DLGAP4: variants seen among roughly 807,000 people sequenced by gnomAD.
The protein encoded by DLGAP4 is DLG associated protein 4.
In DLGAP4, 18 loss-of-function variants were observed where a neutral mutation model predicts 86.9. The ratio of observed to expected loss-of-function variants is 0.21; its 90% CI spans 0.14 to 0.31. DLGAP4 has a LOEUF of 0.31. Ranked by LOEUF, DLGAP4 falls within the 10% of genes least tolerant of loss-of-function variation. The pLI is 1.00. For synonymous variants in DLGAP4, 548 were observed against 574.3 expected, an observed-to-expected ratio of 0.95 and a Z score of 0.65; for missense variants, 1,085 against 1,362.6, an observed-to-expected ratio of 0.80 and a Z score of 3.21.
At position 36,526,844 on chromosome 20, in the gene DLGAP4, A is replaced by G. The variant is rs1300183447; in HGVS notation, c.2792A>G (p.Lys931Arg). 1 of 1,611,392 alleles carries G rather than the reference A, an allele frequency of 6.2e-7. No individual in the cohort carries two copies. The highest frequency in any genetic ancestry group is 1.7e-5 in the Admixed American group (1 of 59,534). The change falls in exon 13 of 13, where the codon AAG (lysine) becomes AGG (arginine). Residue 931 changes from lysine to arginine, a missense_variant. Coordinates refer to ENST00000339266, the MANE Select transcript of DLGAP4 (RefSeq NM_001365621.2). ...AAGAAACCACCCCCTCCGGTCCCAA[A>G]GAAGCCAGCCAAATCCAAGCCGGCA... ...EEKKPPPPVPKKPAKSKPAVS... is the reference protein window; with the variant it reads ...EEKKPPPPVPRKPAKSKPAVS...
chr20:36,526,737 A>G (rs1035095406), intron 12 of DLGAP4, 76 bp from the exon 13 acceptor site: 1 of 1,375,870 alleles, frequency 7.3e-7, no homozygotes, highest in African/African-American at 1.5e-5. Flanking sequence ...AGCTGCCGGC[A>G]TATGGTGGGG....
chr20:36,384,152 G>A (rs544555991), intron 2 of DLGAP4, among the ~76,000 whole-genome samples: 2 of 152,306 alleles, frequency 1.3e-5, no homozygotes, highest in South Asian at 2.1e-4. Flanking sequence ...GTGCTGTTTG[G>A]GGTGCGGGGC....
chr20:36,468,624 A>G (rs917636299), intron 7 of DLGAP4, among the ~76,000 whole-genome samples: 1 of 152,140 alleles, frequency 6.6e-6, no homozygotes, highest in Non-Finnish European at 1.5e-5. Context: ...GGTGCCCCTC[A>G]CCCTGCTGGT....
At chr20:36,381,672 T>G (rs1283049848) in intron 2 of DLGAP4, among the ~76,000 whole-genome samples, 3 of 152,188 alleles carry the variant, frequency 2.0e-5, no homozygotes, top group Non-Finnish European at 4.4e-5. Flanking sequence ...GAACATTCTG[T>G]TCAGGTGTCC....
At chr20:36,322,235 T>A (rs1231497652) in intron 1 of DLGAP4, among the ~76,000 whole-genome samples, 3 of 150,612 alleles carry the variant, frequency 2.0e-5, no homozygotes, top group African/African-American at 7.4e-5. Flanking sequence ...AACCCCGGGG[T>A]GTGAGGAAGG....
chr20:36,401,502 G>A (rs537090294), intron 2 of DLGAP4, among the ~76,000 whole-genome samples: 4 of 152,334 alleles, frequency 2.6e-5, no homozygotes, highest in African/African-American at 7.2e-5. Flanking sequence ...CCTCACCTGC[G>A]GAATGGGTTT....
chr20:36,449,981 G>C (rs1385145442), intron 7 of DLGAP4, among the ~76,000 whole-genome samples: 1 of 152,212 alleles, frequency 6.6e-6, no homozygotes, highest in Non-Finnish European at 1.5e-5. Flanking sequence ...GGTCTAGCCA[G>C]GGCATGTTCT....
rs756397223 is a variant in DLGAP4 at position 36,500,191 on chromosome 20, A to T, written c.2100-8A>T. 6.8e-7 allele frequency: 1 copy of T among 1,475,168 alleles called. No individual in the cohort carries two copies. Among genetic ancestry groups the T allele is most frequent in the Non-Finnish European group, 9.0e-7 (1 of 1,109,710 alleles). 91.4% of individuals were successfully genotyped at this position (1,475,168 alleles called of 1,614,324 possible). A position where few individuals can be genotyped will look rare whatever the true frequency, so the allele number is the denominator to read the frequency against. ...CCTGTCCCCACCCCATCCACCCCCT[A>T]CCCACAGAAGCAGCGTCCCCTCTCA... On this transcript the variant is annotated splice_polypyrimidine_tract_variant and splice_region_variant and intron_variant, in intron 9 of 12. Coordinates refer to ENST00000339266, the MANE Select transcript of DLGAP4 (RefSeq NM_001365621.2). The surrounding 1 kb of genome is among the most constrained non-coding windows in gnomAD (Gnocchi z 4.6).
At chr20:36,315,037 T>TG (rs2065084610) in intron 1 of DLGAP4, among the ~76,000 whole-genome samples, 6 of 2,750 alleles carry the variant, frequency 2.2e-3, no homozygotes, top group Middle Eastern at 0.083. Flanking sequence ...GAGATGTGTG[T>TG]GTGGTGTGTT....
At chr20:36,394,526 G>A (rs1233571349) in intron 2 of DLGAP4, among the ~76,000 whole-genome samples, 2 of 152,194 alleles carry the variant, frequency 1.3e-5, no homozygotes, top group South Asian at 2.1e-4. Context: ...GCAGTGAGCC[G>A]GGGCTGTGTG....
intron 7 of DLGAP4, among the ~76,000 whole-genome samples, chr20:36,494,687 A>T (rs2035805656): frequency 6.6e-6 from 1 of 152,156 alleles, no homozygotes. Context: ...GGACTATTCC[A>T]TCACTTCATA....
At chr20:36,336,520 G>C (rs572643020) in intron 1 of DLGAP4, among the ~76,000 whole-genome samples, 2 of 152,132 alleles carry the variant, frequency 1.3e-5, no homozygotes, top group African/African-American at 4.8e-5. Flanking sequence ...CTTTCCCACC[G>C]GACTTCAAGT....
chr20:36,422,181 C>T (rs1293532327), intron 2 of DLGAP4, among the ~76,000 whole-genome samples: 1 of 152,152 alleles, frequency 6.6e-6, no homozygotes, highest in Non-Finnish European at 1.5e-5. Flanking sequence ...TTCCACACAT[C>T]GTCCCTTCAG....
intron 1 of DLGAP4, among the ~76,000 whole-genome samples, chr20:36,353,677 C>T (rs553362996): frequency 1.6e-4 from 25 of 152,216 alleles, no homozygotes; most frequent in Non-Finnish European, 3.2e-4. Flanking sequence ...AGAGCTGGGG[C>T]TCCAACCTGT....
In DLGAP4 at chr20:36,524,411, C is replaced by T. The variant is rs116282414; in HGVS notation, c.2604+70C>T. The T allele has an allele frequency of 1.8e-3, 2,357 of 1,344,552 alleles. 29 individuals are homozygous for T. In the African/African-American group the frequency reaches 0.03, roughly 17 times the overall value. 83.3% of individuals were successfully genotyped at this position (1,344,552 alleles called of 1,614,324 possible). On this transcript the variant is annotated intron_variant, in intron 11 of 12. Transcript: ENST00000339266. The stretch of plus-strand genomic sequence containing the variant: ...GGCTGCCCACTATACTCTGCCAGCC[C>T]CTCGAAGCCTCTGTGCCCTCCTCTG...
intron 10 of DLGAP4, 131 bp from the exon 11 acceptor site, chr20:36,524,111 AGATAAAAT>A: frequency 5.6e-6 from 4 of 709,664 alleles, no homozygotes; most frequent in Non-Finnish European, 1.0e-5. Context: ...ATTAATGTGT[AGATAAAAT>A]GAAGACCACC....
At chr20:36,457,420 A>C (rs1600557678) in intron 7 of DLGAP4, among the ~76,000 whole-genome samples, 5 of 115,366 alleles carry the variant, frequency 4.3e-5, no homozygotes, top group Admixed American at 1.0e-4. Flanking sequence ...ACAAAGTCTC[A>C]CTCTTGTCCC....
At chr20:36,488,282 G>T (rs771840891) in intron 7 of DLGAP4, among the ~76,000 whole-genome samples, 1 of 151,656 alleles carries the variant, frequency 6.6e-6, no homozygotes, top group Non-Finnish European at 1.5e-5. Context: ...GTTTCAGGCC[G>T]CGGCCTCAGC....
chr20:36,381,180 C>T (rs530141688), intron 2 of DLGAP4, among the ~76,000 whole-genome samples: 39 of 152,324 alleles, frequency 2.6e-4, no homozygotes, highest in Admixed American at 1.8e-3. Context: ...ATTCATTCAG[C>T]AAGCAAGCAA....
Sources: gnomAD v4.1 joint callset for allele counts (sites outside exome capture counted in the v4.1 genomes callset) on GRCh38, gnomAD v4.1.1 for gene constraint, Gnocchi (gnomAD v3.1) non-coding constraint, MANE v1.5 for transcripts, NCBI Gene and HGNC (gene_info 2026-07-23, HGNC 2026-07-21) for gene names.